Variants in CDH12 observed in about 807,000 individuals in gnomAD.
The protein encoded by CDH12 is cadherin-12.
In CDH12, 41 loss-of-function variants were observed where a neutral mutation model predicts 74.1. The ratio of observed to expected loss-of-function variants is 0.55; its 90% CI spans 0.43 to 0.72. The LOEUF (loss-of-function observed/expected upper bound fraction) is 0.72, where lower values mean the gene tolerates loss of function less well. Among genes scored for constraint, CDH12 ranks in the 30% least tolerant of loss-of-function variants. The probability of loss-of-function intolerance (pLI) is 0.00; values close to 1 mark genes in which losing one functional copy is unlikely to be tolerated. For synonymous variants in CDH12, 399 were observed against 355.0 expected (o/e 1.12, Z -1.39); for missense variants, 945 against 977.2 (o/e 0.97, Z 0.44).
chr5:22,629,436 G>T (rs1201018476), intron 1 of CDH12, among the ~76,000 whole-genome samples: 1 of 151,996 alleles, frequency 6.6e-6, no homozygotes, highest in Middle Eastern at 3.4e-3. Flanking sequence ...GCTTCATTCT[G>T]GAATGCAAGA....
intron 4 of CDH12, among the ~76,000 whole-genome samples, chr5:22,163,034 T>C (rs2150320745): frequency 6.6e-6 from 1 of 152,014 alleles, no homozygotes; most frequent in South Asian, 2.1e-4. Context: ...GTAGCTGGGA[T>C]TACAAGCGCC....
intron 6 of CDH12, among the ~76,000 whole-genome samples, chr5:21,870,236 C>T (rs746564074): frequency 2.2e-4 from 34 of 151,956 alleles, no homozygotes; most frequent in South Asian, 4.2e-4. Context: ...TTATCAACAG[C>T]GTGAAAATGG....
At chr5:22,207,481 C>A (rs570821656) in intron 4 of CDH12, among the ~76,000 whole-genome samples, 9 of 152,304 alleles carry the variant, frequency 5.9e-5, no homozygotes, top group African/African-American at 1.9e-4. Context: ...TCCAACCAAA[C>A]TCTATTTACA....
chr5:22,320,398 T>G (rs957034104), intron 3 of CDH12, among the ~76,000 whole-genome samples: 1 of 152,174 alleles, frequency 6.6e-6, no homozygotes, highest in African/African-American at 2.4e-5. Flanking sequence ...CAGGAGAATT[T>G]TTTGATATAT....
intron 4 of CDH12, among the ~76,000 whole-genome samples, chr5:22,159,869 C>T (rs1748225899): frequency 6.6e-6 from 1 of 152,108 alleles, no homozygotes; most frequent in South Asian, 2.1e-4. Flanking sequence ...AAAGGCAGCT[C>T]TATATACTAG....
At position 22,026,879 on chromosome 5, in the gene CDH12, A is replaced by G. The variant is rs189859696; in HGVS notation, c.232-51494T>C. ...ACCTGTACTGGCCTACCAGCAGAGC[A>G]TCACTATTTAGGGCAGCTGTAGTAT... On this transcript the variant is annotated intron_variant, in intron 5 of 14. Coordinates refer to ENST00000382254, the MANE Select transcript of CDH12 (RefSeq NM_004061.5). 3.2e-3 allele frequency among the ~76,000 whole-genome samples: 490 copies of G among 152,292 alleles called. 8 individuals carry two copies. The highest frequency in any genetic ancestry group is 4.0e-3 in the Admixed American group (61 of 15,268).
rs1251787261 is a variant in CDH12, at chr5:22,222,421, T to C, written c.-332-9778A>G. Reference sequence around the variant, plus strand: ...CTTGATTTCTGGCAGAAAACACTAGTCAGTTTGAGGTGCCTTTTTATGTTG... The same window carrying C: ...CTTGATTTCTGGCAGAAAACACTAGCCAGTTTGAGGTGCCTTTTTATGTTG... On this transcript the variant is annotated intron_variant, in intron 3 of 14. Coordinates refer to ENST00000382254, the MANE Select transcript of CDH12 (RefSeq NM_004061.5). 2.0e-5 allele frequency among the ~76,000 whole-genome samples: 3 copies of C among 151,976 alleles called. No individual in the cohort carries two copies. In the East Asian group the frequency reaches 5.8e-4, roughly 29 times the overall value.
chr5:22,685,323 C>T (rs1221890370), intron 1 of CDH12, among the ~76,000 whole-genome samples: 1 of 152,074 alleles, frequency 6.6e-6, no homozygotes, highest in East Asian at 1.9e-4. Flanking sequence ...TTGCAGCCTC[C>T]ACCTCCTGGG....
intron 1 of CDH12, among the ~76,000 whole-genome samples, chr5:22,658,843 T>A (rs1740200009): frequency 6.6e-6 from 1 of 152,126 alleles, no homozygotes; most frequent in Non-Finnish European, 1.5e-5. Context: ...TCTCCATAAA[T>A]TAGGTACATT....
At position 22,425,060 on chromosome 5, in the gene CDH12, A is replaced by G. The variant is rs562317543; in HGVS notation, c.-427-19709T>C. On this transcript the variant is annotated intron_variant, in intron 2 of 14. Transcript: ENST00000382254. ...TGGATAGAGGCTAGAGAATTTTTAC[A>G]TTTATATATATATATATAGAGAGAG... Among the ~76,000 whole-genome samples, 9 of 85,236 alleles carry G rather than the reference A, an allele frequency of 1.1e-4. No individual in the cohort carries two copies. In the South Asian group the frequency reaches 2.7e-3, roughly 26 times the overall value. 55.9% of individuals were successfully genotyped at this position (85,236 alleles called of 152,430 possible). A position where few individuals can be genotyped will look rare whatever the true frequency, so the allele number is the denominator to read the frequency against.
Position 22,222,221 on chromosome 5 carries a change from G to A in CDH12, c.-332-9578C>T, listed in dbSNP as rs1433565318. ...AAGCAGCACAGAAAAAACTCTTTGG[G>A]GAATTAGATTTCCAGATGCTTCTGC... On this transcript the variant is annotated intron_variant, in intron 3 of 14. Coordinates refer to ENST00000382254, the MANE Select transcript of CDH12 (RefSeq NM_004061.5). 2.0e-5 allele frequency among the ~76,000 whole-genome samples: 3 copies of A among 151,876 alleles called. No homozygotes were observed. In the East Asian group the frequency reaches 5.8e-4, roughly 29 times the overall value.
intron 3 of CDH12, among the ~76,000 whole-genome samples, chr5:22,301,692 C>T (rs1239006872): frequency 6.6e-6 from 1 of 151,828 alleles, no homozygotes; most frequent in Non-Finnish European, 1.5e-5. Flanking sequence ...AGTGCAGCGG[C>T]TTGATCTTGG....
intron 5 of CDH12, among the ~76,000 whole-genome samples, chr5:21,978,195 G>T (rs949807440): frequency 7.9e-5 from 12 of 152,262 alleles, no homozygotes; most frequent in African/African-American, 2.9e-4. Flanking sequence ...AGGCTGGAGT[G>T]CAGTGGCGTG....
chr5:22,111,860 T>C (rs1167199315), intron 4 of CDH12, among the ~76,000 whole-genome samples: 11 of 152,160 alleles, frequency 7.2e-5, no homozygotes, highest in Non-Finnish European at 7.4e-5. Context: ...TACTATAATT[T>C]TTATGAAGGA....
At chr5:22,751,146 G>T (rs1745550391) in intron 1 of CDH12, among the ~76,000 whole-genome samples, 1 of 151,716 alleles carries the variant, frequency 6.6e-6, no homozygotes, top group African/African-American at 2.4e-5. Context: ...AAAATAAATG[G>T]TTTAATTTGC....
At chr5:22,799,777 A>G (rs887223610) in intron 1 of CDH12, among the ~76,000 whole-genome samples, 1 of 152,188 alleles carries the variant, frequency 6.6e-6, no homozygotes, top group Admixed American at 6.5e-5. Flanking sequence ...ATACCTACAT[A>G]TATACCTACA....
intron 3 of CDH12, among the ~76,000 whole-genome samples, chr5:22,240,840 T>G (rs1160495601): frequency 1.3e-5 from 2 of 152,198 alleles, no homozygotes; most frequent in South Asian, 4.1e-4. Context: ...CCTGGCCGGA[T>G]AGTAATTATT....
intron 1 of CDH12, among the ~76,000 whole-genome samples, chr5:22,730,149 G>C (rs1744360753): frequency 6.6e-6 from 1 of 151,588 alleles, no homozygotes; most frequent in Non-Finnish European, 1.5e-5. Flanking sequence ...AATTCTGCCA[G>C]TAAGTTACAA....
chr5:22,436,184 C>A (rs1041045538), intron 2 of CDH12, among the ~76,000 whole-genome samples: 1 of 147,820 alleles, frequency 6.8e-6, no homozygotes, highest in Non-Finnish European at 1.5e-5. Flanking sequence ...AAACCAAACA[C>A]CACATGTTCT....
Sources: gnomAD v4.1 joint callset for allele counts (sites outside exome capture counted in the v4.1 genomes callset) on GRCh38, gnomAD v4.1.1 for gene constraint, MANE v1.5 for transcripts, NCBI Gene and HGNC (gene_info 2026-07-23, HGNC 2026-07-21) for gene names.